Variants in CDH13 observed in about 807,000 individuals in gnomAD.
The protein encoded by CDH13 is cadherin-13.
CDH13 carries 24 observed loss-of-function variants against 63.8 expected under a neutral mutation model. The ratio of observed to expected loss-of-function variants is 0.38; its 90% CI spans 0.27 to 0.53. CDH13 has a LOEUF of 0.53. CDH13 is among the 20% of genes least tolerant of loss of function. CDH13 has a pLI of 0.85. For synonymous variants in CDH13, 503 were observed against 355.3 expected (o/e 1.42, Z -4.67); for missense variants, 1,049 against 903.1 (o/e 1.16, Z -2.07).
At chr16:82,971,786 T>A (rs1908786713) in intron 2 of CDH13, among the ~76,000 whole-genome samples, 1 of 152,236 alleles carries the variant, frequency 6.6e-6, no homozygotes, top group Admixed American at 6.5e-5. Context: ...TGTTTCCCCT[T>A]AACTGCCTGT....
intron 1 of CDH13, among the ~76,000 whole-genome samples, chr16:82,772,199 T>C (rs2035295644): frequency 6.6e-6 from 1 of 152,126 alleles, no homozygotes; most frequent in Non-Finnish European, 1.5e-5. Flanking sequence ...ATCTACACCA[T>C]GGAAATTGGC....
chr16:82,992,574 C>T (rs1911777058), intron 2 of CDH13, among the ~76,000 whole-genome samples: 1 of 152,028 alleles, frequency 6.6e-6, no homozygotes, highest in African/African-American at 2.4e-5. Context: ...AACAATACCC[C>T]AAGGTCAAAA....
At chr16:83,241,917 A>C (rs541177420) in intron 5 of CDH13, among the ~76,000 whole-genome samples, 28 of 152,298 alleles carry the variant, frequency 1.8e-4, no homozygotes, top group Admixed American at 2.6e-4. Context: ...GTAAAATCCA[A>C]TGTCCTGAAG....
chr16:82,888,505 T>C (rs1481110217), intron 2 of CDH13, among the ~76,000 whole-genome samples: 1 of 152,194 alleles, frequency 6.6e-6, no homozygotes, highest in Non-Finnish European at 1.5e-5. Context: ...CAGCCACTTC[T>C]GCTCCCCCAC....
intron 5 of CDH13, among the ~76,000 whole-genome samples, chr16:83,293,999 A>G (rs1215887505): frequency 3.3e-5 from 5 of 152,216 alleles, no homozygotes; most frequent in Admixed American, 6.5e-5. Flanking sequence ...AAAAAAATCA[A>G]TAACTACCCC....
chr16:83,682,203 TGA>T (rs1915463686), intron 10 of CDH13, among the ~76,000 whole-genome samples: 1 of 152,160 alleles, frequency 6.6e-6, no homozygotes, highest in Admixed American at 6.5e-5. Context: ...CAGTATCCTC[TGA>T]GAGAGATGAT....
Position 83,313,079 on chromosome 16 carries a change from G to C in CDH13, c.637-31783G>C, listed in dbSNP as rs183654856. On this transcript the variant is annotated intron_variant, in intron 5 of 13. Coordinates refer to ENST00000567109, the MANE Select transcript of CDH13 (RefSeq NM_001257.5). ...TGCTGTAGAAAGGATTGGCATCAGG[G>C]TTGCAGATAGCAAGTGAAGCTCATG... Among the ~76,000 whole-genome samples, 188 of 152,322 alleles carry C rather than the reference G, an allele frequency of 1.2e-3. 1 individual carries two copies. Among genetic ancestry groups the C allele is most frequent in the African/African-American group, 4.4e-3 (181 of 41,572 alleles).
chr16:82,951,162 C>G (rs946186396), intron 2 of CDH13, among the ~76,000 whole-genome samples: 2 of 152,032 alleles, frequency 1.3e-5, no homozygotes, highest in African/African-American at 4.8e-5. Flanking sequence ...TGCTTGTGTA[C>G]ATGTGTGAGG....
intron 1 of CDH13, chr16:82,688,969 C>T (rs1310111294): frequency 1.3e-5 from 2 of 152,072 alleles, no homozygotes; most frequent in Non-Finnish European, 2.9e-5. Context: ...GATCCAGGCC[C>T]CACGGAGAAC....
chr16:83,141,930 C>G (rs2036545833), intron 4 of CDH13, among the ~76,000 whole-genome samples: 1 of 152,086 alleles, frequency 6.6e-6, no homozygotes, highest in South Asian at 2.1e-4. Flanking sequence ...CCCATGCACT[C>G]CCTCCTCCAG....
intron 1 of CDH13, among the ~76,000 whole-genome samples, chr16:82,739,417 T>C (rs2033832701): frequency 6.6e-6 from 1 of 152,236 alleles, no homozygotes; most frequent in African/African-American, 2.4e-5. Flanking sequence ...CTTATTCCAC[T>C]TCAGACTTGT....
intron 2 of CDH13, among the ~76,000 whole-genome samples, chr16:82,879,873 AAT>A (rs1310841755): frequency 7.0e-6 from 1 of 143,578 alleles, no homozygotes; most frequent in Non-Finnish European, 1.5e-5. Flanking sequence ...GATTTATCTA[AAT>A]ATATGTTATA....
chr16:82,890,085 T>G (rs2041025463), intron 2 of CDH13, among the ~76,000 whole-genome samples: 1 of 152,230 alleles, frequency 6.6e-6, no homozygotes, highest in African/African-American at 2.4e-5. Context: ...TTCATATGTT[T>G]CAGTAAGTCT....
intron 7 of CDH13, among the ~76,000 whole-genome samples, chr16:83,524,069 T>C (rs553665205): frequency 6.6e-5 from 10 of 152,336 alleles, no homozygotes; most frequent in Non-Finnish European, 1.2e-4. Context: ...ATTTCAGTTG[T>C]GTAAATTAGT....
intron 3 of CDH13, among the ~76,000 whole-genome samples, chr16:83,086,571 G>C (rs1435749133): frequency 1.3e-5 from 2 of 152,166 alleles, no homozygotes; most frequent in Non-Finnish European, 2.9e-5. Flanking sequence ...TCAAGGTCTT[G>C]TATAGCTTAA....
In CDH13 at chr16:82,627,337, C is replaced by T. The variant is rs867544388; in HGVS notation, c.45+200C>T. ...ACACACAGGCTCCCACTCTGGCGTG[C>T]GTGTGTGTGTGTGTGTGTGTGTGTG... On this transcript the variant is annotated intron_variant, in intron 1 of 13. Transcript: ENST00000567109. Among the ~76,000 whole-genome samples the T allele has an allele frequency of 7.6e-5, 10 of 131,252 alleles. No homozygotes were observed. Among genetic ancestry groups the T allele is most frequent in the East Asian group, 6.8e-4 (3 of 4,418 alleles). The allele number at this position is 131,252 out of a possible 152,430, so 86.1% of individuals were successfully genotyped here.
Position 83,486,598 on chromosome 16 carries a change from C to A in CDH13, c.903C>A (p.Ile301=). 6.2e-7 allele frequency: 1 copy of A among 1,613,940 alleles called. No individual in the cohort carries two copies. The highest frequency in any genetic ancestry group is 1.1e-5 in the South Asian group (1 of 91,082). The change falls in exon 7 of 14, where the codon ATC becomes ATA. Residue 301 remains isoleucine (I), a synonymous_variant. Transcript: ENST00000567109. ...PDKPSPNMFY[I]DPEKGDIVTV... ...AGCCATCTCCCAACATGTTCTACAT[C>A]GATCCTGAGAAAGGAGACATTGTCA... is the stretch of plus-strand genomic sequence containing the variant.
At chr16:83,431,255 G>A (rs148861663) in intron 6 of CDH13, among the ~76,000 whole-genome samples, 2,579 of 151,854 alleles carry the variant, frequency 0.017, 31 homozygotes, top group Non-Finnish European at 0.027. Context: ...CTTTGCTATT[G>A]TGAATAATGC....
rs1597896976 is a variant in CDH13, at chr16:82,884,289, C to T, written c.157+25816C>T. 4 of 444,254 alleles carry T rather than the reference C, an allele frequency of 9.0e-6. No homozygotes were observed. In the East Asian group the frequency reaches 2.8e-4, roughly 31 times the overall value. 27.5% of individuals were successfully genotyped at this position (444,254 alleles called of 1,614,324 possible). ...GGTATAAGATGGGTTTGTCAGTCAG[C>T]AGAGGCATGCTATTGAGAAAAGGAG... is the stretch of plus-strand genomic sequence containing the variant. On this transcript the variant is annotated intron_variant, in intron 2 of 13. Transcript: ENST00000567109.
Sources: allele counts gnomAD v4.1 joint callset (sites outside exome capture counted in the v4.1 genomes callset), GRCh38; gene constraint gnomAD v4.1.1; transcripts MANE v1.5; gene names NCBI Gene and HGNC (gene_info 2026-07-23, HGNC 2026-07-21).